PCDH15: variants seen among roughly 807,000 people sequenced by gnomAD.
PCDH15 encodes the protein protocadherin-15.
Under a neutral mutation model 178.5 loss-of-function variants are expected in PCDH15, and 129 were observed. That is an observed-to-expected ratio of 0.72 (90% CI 0.63 to 0.84). The LOEUF (loss-of-function observed/expected upper bound fraction) is 0.84, where lower values mean the gene tolerates loss of function less well. PCDH15 is among the 40% of genes least tolerant of loss of function. The probability of loss-of-function intolerance (pLI) is 0.00; values close to 1 mark genes in which losing one functional copy is unlikely to be tolerated. For synonymous variants in PCDH15, 800 were observed against 732.0 expected, an observed-to-expected ratio of 1.09 and a Z score of -1.50; for missense variants, 2,230 against 2,099.9, an observed-to-expected ratio of 1.06 and a Z score of -1.21.
At chr10:54,021,450 T>C (rs550980658) in intron 19 of PCDH15, among the ~76,000 whole-genome samples, 1 of 152,048 alleles carries the variant, frequency 6.6e-6, no homozygotes. Context: ...CCCTGGTTTT[T>C]AATTCAATTT....
At chr10:55,379,009 T>C (rs1837466216) in intron 2 of PCDH15, among the ~76,000 whole-genome samples, 1 of 151,990 alleles carries the variant, frequency 6.6e-6, no homozygotes, top group Non-Finnish European at 1.5e-5. Flanking sequence ...TTTTTCACTG[T>C]CCCAACCCAG....
At chr10:55,410,120 AT>A (rs532434411) in intron 2 of PCDH15, among the ~76,000 whole-genome samples, 7 of 152,184 alleles carry the variant, frequency 4.6e-5, no homozygotes, top group Admixed American at 1.3e-4. Context: ...ATTATAGCTG[AT>A]TTTTTTAACT....
At chr10:54,635,115 G>A (rs914242716) in intron 2 of PCDH15, among the ~76,000 whole-genome samples, 8 of 150,364 alleles carry the variant, frequency 5.3e-5, no homozygotes, top group African/African-American at 1.7e-4. Flanking sequence ...GTATGCCTAC[G>A]TGATATATAG....
intron 1 of PCDH15, among the ~76,000 whole-genome samples, chr10:55,175,955 G>A (rs1237001657): frequency 1.3e-5 from 2 of 152,002 alleles, no homozygotes; most frequent in Non-Finnish European, 2.9e-5. Flanking sequence ...AGTCTGCAGT[G>A]GGGACCACTG....
At chr10:55,011,879 G>GA (rs1438031998) in intron 2 of PCDH15, among the ~76,000 whole-genome samples, 3 of 152,052 alleles carry the variant, frequency 2.0e-5, no homozygotes, top group South Asian at 2.1e-4. Context: ...CACTGTGTAT[G>GA]AAAAACATAC....
intron 30 of PCDH15, among the ~76,000 whole-genome samples, chr10:53,829,987 C>A (rs1433857226): frequency 6.6e-6 from 1 of 152,084 alleles, no homozygotes; most frequent in Admixed American, 6.5e-5. Context: ...TATTTGAGAA[C>A]AAAGATGACA....
intron 2 of PCDH15, among the ~76,000 whole-genome samples, chr10:54,986,696 C>T (rs976039698): frequency 1.3e-5 from 2 of 152,064 alleles, no homozygotes; most frequent in Non-Finnish European, 2.9e-5. Context: ...ATTAAACTTC[C>T]GTGTTGTGTT....
At chr10:54,179,313 A>C (rs1228384352) in intron 13 of PCDH15, among the ~76,000 whole-genome samples, 1 of 151,784 alleles carries the variant, frequency 6.6e-6, no homozygotes, top group South Asian at 2.1e-4. Context: ...GTAAACTATC[A>C]CAAGGACAAA....
intron 2 of PCDH15, among the ~76,000 whole-genome samples, chr10:54,659,308 G>A (rs1000205990): frequency 6.6e-6 from 1 of 152,150 alleles, no homozygotes; most frequent in Admixed American, 6.5e-5. Context: ...AACATACCAT[G>A]CAACAACCAC....
chr10:54,969,086 T>G (rs1402376301), intron 2 of PCDH15, among the ~76,000 whole-genome samples: 3 of 151,874 alleles, frequency 2.0e-5, no homozygotes, highest in African/African-American at 7.2e-5. Flanking sequence ...TCTATTATTT[T>G]TTTTTTTACT....
At chr10:53,841,038 T>C (rs1269859407) in intron 28 of PCDH15, among the ~76,000 whole-genome samples, 1 of 152,134 alleles carries the variant, frequency 6.6e-6, no homozygotes, top group African/African-American at 2.4e-5. Flanking sequence ...AAGATAAAAA[T>C]ATGGCATGCA....
intron 1 of PCDH15, among the ~76,000 whole-genome samples, chr10:55,217,940 A>ATC (rs1840754408): frequency 6.6e-6 from 1 of 151,990 alleles, no homozygotes; most frequent in African/African-American, 2.4e-5. Flanking sequence ...GAAGCACAAA[A>ATC]TGTACAGATT....
chr10:54,162,235 G>C lies in PCDH15; in HGVS notation c.1591-8942C>G, dbSNP rs567107973. On this transcript the variant is annotated intron_variant, in intron 13 of 37. Coordinates refer to ENST00000644397, the MANE Select transcript of PCDH15 (RefSeq NM_001384140.1). ...CACAAAGTTTAGATCTTGATTATTT[G>C]TTTCTTTCTTTCTCTTTTAAACCAC... 8.6e-5 allele frequency among the ~76,000 whole-genome samples: 13 copies of C among 151,912 alleles called. No individual in the cohort carries two copies. The South Asian group carries it at 2.5e-3, about 29-fold the overall frequency.
chr10:54,519,845 G>A (rs1589853695), intron 3 of PCDH15, among the ~76,000 whole-genome samples: 1 of 152,128 alleles, frequency 6.6e-6, no homozygotes, highest in South Asian at 2.1e-4. Flanking sequence ...AAACAGCATA[G>A]TACTGGTACC....
intron 3 of PCDH15, among the ~76,000 whole-genome samples, chr10:54,428,359 A>G (rs1416720437): frequency 3.9e-5 from 6 of 152,216 alleles, no homozygotes; most frequent in Admixed American, 2.6e-4. Flanking sequence ...TGTCAAATAA[A>G]GTAAACCATG....
intron 2 of PCDH15, among the ~76,000 whole-genome samples, chr10:54,633,199 G>C (rs983622256): frequency 5.4e-4 from 82 of 152,158 alleles, no homozygotes; most frequent in African/African-American, 2.0e-3. Flanking sequence ...CTGAAGAAGG[G>C]AGCCTGCATA....
intron 2 of PCDH15, among the ~76,000 whole-genome samples, chr10:55,021,153 T>C (rs1234113954): frequency 1.3e-5 from 2 of 152,210 alleles, no homozygotes; most frequent in African/African-American, 2.4e-5. Context: ...TAGGTCATTG[T>C]TCTTGATTGA....
chr10:55,016,098 TAAA>T (rs199893494), intron 2 of PCDH15, among the ~76,000 whole-genome samples: 6,104 of 115,540 alleles, frequency 0.053, 332 homozygotes, highest in African/African-American at 0.16. Flanking sequence ...CTTTTTTTTT[TAAA>T]AAAAAAAAAA....
chr10:55,445,928 A>G (rs919024188), intron 2 of PCDH15, among the ~76,000 whole-genome samples: 4 of 152,132 alleles, frequency 2.6e-5, no homozygotes, highest in Non-Finnish European at 4.4e-5. Context: ...CTTGAGAAAC[A>G]CCAGACACAG....
Sources: gnomAD v4.1 joint callset for allele counts (sites outside exome capture counted in the v4.1 genomes callset) on GRCh38, gnomAD v4.1.1 for gene constraint, MANE v1.5 for transcripts, NCBI Gene and HGNC (gene_info 2026-07-23, HGNC 2026-07-21) for gene names.